Variants in UBE2QL1 observed in about 807,000 individuals in gnomAD.
UBE2QL1 encodes ubiquitin conjugating enzyme E2 QL1, also known as ubiquitin-conjugating enzyme E2Q-like protein 1.
UBE2QL1 carries 5 observed loss-of-function variants against 12.6 expected under a neutral mutation model. The observed-to-expected ratio is 0.40, with a 90% CI of 0.21 to 0.83. The LOEUF (loss-of-function observed/expected upper bound fraction) is 0.83. Among genes scored for constraint, UBE2QL1 ranks in the 40% least tolerant of loss-of-function variants. The pLI, the probability that UBE2QL1 is intolerant of heterozygous loss-of-function variation, is 0.37. For synonymous variants in UBE2QL1, 96 were observed against 94.5 expected (o/e 1.02, Z -0.10); for missense variants, 99 against 222.6 (o/e 0.44, Z 3.53).
intron 1 of UBE2QL1, among the ~76,000 whole-genome samples, chr5:6,465,289 C>A (rs1185367982): frequency 6.6e-6 from 1 of 152,114 alleles, no homozygotes; most frequent in Non-Finnish European, 1.5e-5. Flanking sequence ...GCACAGTCAG[C>A]ATTTTAGTTT....
intron 1 of UBE2QL1, among the ~76,000 whole-genome samples, chr5:6,477,325 C>T (rs1413052254): frequency 6.6e-6 from 1 of 152,248 alleles, no homozygotes; most frequent in African/African-American, 2.4e-5. Flanking sequence ...CGGAGCACAA[C>T]TCCTTGCACT....
At position 6,494,589 on chromosome 5, in the gene UBE2QL1, C is replaced by G. The variant is rs1734635183; in HGVS notation, c.*3240C>G. 6.6e-6 allele frequency: 1 copy of G among 152,170 alleles called. No individual in the cohort carries two copies. The highest frequency in any genetic ancestry group is 2.1e-4 in the South Asian group (1 of 4,830). The allele number at this position is 152,170 out of a possible 1,614,324, so 9.4% of individuals were successfully genotyped here. ...AGTGTGGGAATTGGCCAAAATGACGCAGCAGAAGTGCTTTGGAGACTAAAG... is the reference window on the plus strand; with the variant it reads ...AGTGTGGGAATTGGCCAAAATGACGGAGCAGAAGTGCTTTGGAGACTAAAG... On this transcript the variant is annotated 3_prime_UTR_variant, in exon 2 of 2. Transcript: ENST00000399816.
rs867340935 is a variant in UBE2QL1, at chr5:6,493,145, C to T, written c.*1796C>T. Reference sequence around the variant, plus strand: ...CAGCTTCCCTGTGAGTCATAATAGTCGTGAAACTTGATGACAGTGAACTTA... The same window carrying T: ...CAGCTTCCCTGTGAGTCATAATAGTTGTGAAACTTGATGACAGTGAACTTA... On this transcript the variant is annotated 3_prime_UTR_variant, in exon 2 of 2. Coordinates refer to ENST00000399816, the MANE Select transcript of UBE2QL1 (RefSeq NM_001145161.3). 4 of 152,316 alleles carry T rather than the reference C, an allele frequency of 2.6e-5. No homozygotes were observed. The East Asian group carries it at 7.7e-4, about 29-fold the overall frequency. 9.4% of individuals were successfully genotyped at this position (152,316 alleles called of 1,614,324 possible). A position where few individuals can be genotyped will look rare whatever the true frequency, so the allele number is the denominator to read the frequency against.
intron 1 of UBE2QL1, among the ~76,000 whole-genome samples, chr5:6,470,540 T>G (rs1739890481): frequency 6.6e-6 from 1 of 152,138 alleles, no homozygotes; most frequent in South Asian, 2.1e-4. Flanking sequence ...ACACACACAC[T>G]TCCACAGGCA....
chr5:6,480,579 T>G (rs191161337), intron 1 of UBE2QL1, among the ~76,000 whole-genome samples: 12 of 152,356 alleles, frequency 7.9e-5, no homozygotes, highest in Non-Finnish European at 1.6e-4. Flanking sequence ...ATTACATTTT[T>G]AGCAAAAAGT....
chr5:6,451,188 G>C (rs1341967662), intron 1 of UBE2QL1, among the ~76,000 whole-genome samples: 1 of 152,030 alleles, frequency 6.6e-6, no homozygotes, highest in African/African-American at 2.4e-5. Flanking sequence ...GAGATGAACT[G>C]GACCACTGCC....
intron 1 of UBE2QL1, among the ~76,000 whole-genome samples, chr5:6,488,240 G>A (rs1018730775): frequency 6.6e-6 from 1 of 152,164 alleles, no homozygotes; most frequent in Non-Finnish European, 1.5e-5. Flanking sequence ...AGAGTGGTCT[G>A]TTCCTCTGGG....
rs6865144 is a variant in UBE2QL1, at chr5:6,482,494, G to A, written c.355-8724G>A. On this transcript the variant is annotated intron_variant, in intron 1 of 1. Transcript: ENST00000399816. ...TGGATCATTGCCACTTGTCTTTTGC[G>A]TTCAGCTCCTGAACCACCTTCCCCT... Among the ~76,000 whole-genome samples the A allele has an allele frequency of 2.2e-3, 337 of 152,128 alleles. 2 individuals carry two copies. Among genetic ancestry groups the A allele is most frequent in the Middle Eastern group, 0.01 (3 of 294 alleles).
At chr5:6,468,932 A>G (rs56208230) in intron 1 of UBE2QL1, among the ~76,000 whole-genome samples, 3,497 of 152,260 alleles carry the variant, frequency 0.023, 144 homozygotes, top group African/African-American at 0.079. Flanking sequence ...AATATCCTCA[A>G]TTATCACCAC....
Position 6,479,694 on chromosome 5 carries a change from C to T in UBE2QL1, c.355-11524C>T, listed in dbSNP as rs902369090. 2.0e-5 allele frequency among the ~76,000 whole-genome samples: 3 copies of T among 152,140 alleles called. No individual in the cohort carries two copies. Among genetic ancestry groups the T allele is most frequent in the African/African-American group, 7.2e-5 (3 of 41,432 alleles). On this transcript the variant is annotated intron_variant, in intron 1 of 1. Coordinates refer to ENST00000399816, the MANE Select transcript of UBE2QL1 (RefSeq NM_001145161.3). This position sits in a 1 kb window ranked among gnomAD's most constrained non-coding sequence, Gnocchi z 4.2. Reference sequence around the variant, plus strand: ...CTTTGTGCTGAGTAAGTGTTTCGGCCTTGAGAGTGGAGTGCAGCATCCTGG... The same window carrying T: ...CTTTGTGCTGAGTAAGTGTTTCGGCTTTGAGAGTGGAGTGCAGCATCCTGG...
intron 1 of UBE2QL1, among the ~76,000 whole-genome samples, chr5:6,466,307 C>T (rs1465105793): frequency 6.6e-6 from 1 of 152,220 alleles, no homozygotes; most frequent in African/African-American, 2.4e-5. Flanking sequence ...TGCTCACGAG[C>T]CCCTCACACC....
At position 6,448,931 on chromosome 5, in the gene UBE2QL1, G is replaced by A; in HGVS notation, c.38G>A (p.Arg13His). Residue 13 changes from arginine to histidine, a missense_variant, in exon 1 of 2, where the codon CGC becomes CAC. Arg to His is a conservative substitution (Grantham distance 29, BLOSUM62 0). Transcript: ENST00000399816. ...ELQDIARLSDRFISVELVDES... is the reference protein window; with the variant it reads ...ELQDIARLSDHFISVELVDES... The stretch of plus-strand genomic sequence containing the variant: ...CAGGACATCGCGCGCCTTAGCGACC[G>A]CTTCATCTCCGTGGAGCTGGTGGAC... 7 of 1,542,988 alleles carry A rather than the reference G, an allele frequency of 4.5e-6. No individual in the cohort carries two copies. Among genetic ancestry groups the A allele is most frequent in the Middle Eastern group, 1.7e-4 (1 of 5,968 alleles).
chr5:6,463,557 C>T (rs574100730), intron 1 of UBE2QL1, among the ~76,000 whole-genome samples: 3 of 151,364 alleles, frequency 2.0e-5, no homozygotes, highest in Admixed American at 6.6e-5. Context: ...GACCGTGGTC[C>T]GAAGTTCTCC....
intron 1 of UBE2QL1, among the ~76,000 whole-genome samples, chr5:6,473,285 G>A (rs1200732342): frequency 2.0e-5 from 3 of 152,136 alleles, no homozygotes; most frequent in Non-Finnish European, 2.9e-5. Context: ...ACACAAGAGC[G>A]TACCCTGAAA....
rs527743153 is a variant in UBE2QL1, at chr5:6,496,672, CAAT to C, written c.*5324_*5326del. On this transcript the variant is annotated 3_prime_UTR_variant, in exon 2 of 2. Transcript: ENST00000399816. ...CACTGCCCTAATGAGAAAAAAAAAA[CAAT>C]GATTCTAGAAAATAAAACTTTAAAA... Among the ~76,000 whole-genome samples, 629 of 151,820 alleles carry C rather than the reference CAAT, an allele frequency of 4.1e-3. 3 individuals are homozygous for C. The highest frequency in any genetic ancestry group is 6.7e-3 in the Non-Finnish European group (455 of 67,966).
At chr5:6,480,880 T>C (rs16877364) in intron 1 of UBE2QL1, among the ~76,000 whole-genome samples, 2,809 of 152,262 alleles carry the variant, frequency 0.018, 81 homozygotes, top group African/African-American at 0.063. Flanking sequence ...TGCCGGCATT[T>C]CCTAATACCC....
At chr5:6,472,420 C>A (rs1056400139) in intron 1 of UBE2QL1, among the ~76,000 whole-genome samples, 1 of 152,026 alleles carries the variant, frequency 6.6e-6, no homozygotes, top group Non-Finnish European at 1.5e-5. Context: ...TGGAAGCGGC[C>A]GATCGACACA....
At chr5:6,449,491 C>T (rs931352266) in intron 1 of UBE2QL1, among the ~76,000 whole-genome samples, 2 of 149,054 alleles carry the variant, frequency 1.3e-5, no homozygotes, top group African/African-American at 2.6e-5. Context: ...AGTCTCTGCC[C>T]GTCTCTCTGG....
chr5:6,454,739 G>A (rs933640586), intron 1 of UBE2QL1, among the ~76,000 whole-genome samples: 10 of 152,150 alleles, frequency 6.6e-5, no homozygotes, highest in Non-Finnish European at 1.2e-4. Context: ...ATAGTGACTG[G>A]CAGGGGTGGG....
Sources: allele counts gnomAD v4.1 joint callset (sites outside exome capture counted in the v4.1 genomes callset), GRCh38; gene constraint gnomAD v4.1.1; non-coding constraint Gnocchi (gnomAD v3.1); transcripts MANE v1.5; gene names NCBI Gene and HGNC (gene_info 2026-07-23, HGNC 2026-07-21).